GLG1: variants seen among roughly 807,000 people sequenced by gnomAD.
GLG1 encodes Golgi apparatus protein 1.
GLG1 carries 38 observed loss-of-function variants against 160.5 expected under a neutral mutation model. The observed-to-expected ratio is 0.24, with a 90% CI of 0.18 to 0.31. GLG1 has a LOEUF of 0.31. Among genes scored for constraint, GLG1 ranks in the 10% least tolerant of loss-of-function variants. The pLI is 1.00. For missense variants in GLG1, 1,373 were observed against 1,505.2 expected, an observed-to-expected ratio of 0.91 and a Z score of 1.45; for synonymous variants, 644 against 543.4, an observed-to-expected ratio of 1.19 and a Z score of -2.57.
chr16:74,520,222 G>A (rs1239070949), intron 2 of GLG1, among the ~76,000 whole-genome samples: 3 of 152,106 alleles, frequency 2.0e-5, no homozygotes, highest in African/African-American at 7.2e-5. Flanking sequence ...TCCTTCTCCA[G>A]CATCCTCAGA....
intron 4 of GLG1, among the ~76,000 whole-genome samples, chr16:74,498,468 T>TATATATATATATATATATA (rs1491206560): frequency 0.032 from 960 of 29,622 alleles, 136 homozygotes; most frequent in Middle Eastern, 0.088. Context: ...ATATATATAT[T>TATATATATATATATATATA]ATATTTTATA....
At chr16:74,579,070 A>G (rs978296159) in intron 1 of GLG1, among the ~76,000 whole-genome samples, 3 of 152,192 alleles carry the variant, frequency 2.0e-5, no homozygotes, top group Non-Finnish European at 4.4e-5. Flanking sequence ...ACAAGCTGAG[A>G]AGTTAAATTC....
At position 74,491,027 on chromosome 16, in the gene GLG1, T is replaced by C; in HGVS notation, c.1423A>G (p.Asn475Asp). 6.2e-7 allele frequency: 1 copy of C among 1,613,986 alleles called. No homozygotes were observed. The highest frequency in any genetic ancestry group is 8.5e-7 in the Non-Finnish European group (1 of 1,179,852). Residue 475 changes from asparagine to aspartate, a missense_variant, in exon 8 of 26, where the codon AAC (asparagine) becomes GAC (aspartate). By Grantham distance (23) the Asn-to-Asp change is conservative. Around this residue, in one of 4 missense-constraint regions of GLG1, gnomAD observed 386 missense variants for 388.5 expected, o/e 0.99. Coordinates refer to ENST00000422840, the MANE Select transcript of GLG1 (RefSeq NM_001145667.2). Reference sequence around the variant, plus strand: ...GCCTGCTGGCAGTTCATTCCAAGGTTCCCCTTCTCCCCTCGAACTACTTTC... The same window carrying C: ...GCCTGCTGGCAGTTCATTCCAAGGTCCCCCTTCTCCCCTCGAACTACTTTC... Reference protein sequence around the residue: ...LMKVVRGEKGNLGMNCQQALQ... With the variant: ...LMKVVRGEKGDLGMNCQQALQ...
chr16:74,541,949 A>C (rs1342472296), intron 1 of GLG1, among the ~76,000 whole-genome samples: 2 of 149,634 alleles, frequency 1.3e-5, no homozygotes, highest in Non-Finnish European at 3.0e-5. Flanking sequence ...ATACATCTTC[A>C]TGACTGGGAA....
At chr16:74,584,978 G>A (rs1186847859) in intron 1 of GLG1, among the ~76,000 whole-genome samples, 2 of 151,948 alleles carry the variant, frequency 1.3e-5, no homozygotes, top group Non-Finnish European at 2.9e-5. Flanking sequence ...AGTAATGGGT[G>A]GACCAAAATC....
At position 74,469,017 on chromosome 16, in the gene GLG1, GA is replaced by G; in HGVS notation, c.2364del (p.Leu789CysfsTer11). The G allele has an allele frequency of 6.2e-7, 1 of 1,614,132 alleles. No individual in the cohort carries two copies. Among genetic ancestry groups the G allele is most frequent in the Non-Finnish European group, 8.5e-7 (1 of 1,179,934 alleles). ...ICLSTTVRND[T>X]LQEAKEHRVS... ...ACCCTGTGCTCCTTGGCTTCCTGCA[GA>G]GTGTCATTGCGCACGGTCGTGCTCA... On this transcript the variant is annotated frameshift_variant, in exon 17 of 26. Coordinates refer to ENST00000422840, the MANE Select transcript of GLG1 (RefSeq NM_001145667.2). LOFTEE classifies it high-confidence loss of function.
chr16:74,556,948 CATAA>C (rs1405133050), intron 1 of GLG1, among the ~76,000 whole-genome samples: 1 of 151,850 alleles, frequency 6.6e-6, no homozygotes, highest in African/African-American at 2.4e-5. Context: ...AATGCATTCT[CATAA>C]ATAAAATATA....
chr16:74,480,421 C>T (rs373560051), intron 10 of GLG1, 27 bp from the exon 11 acceptor site: 7 of 1,558,934 alleles, frequency 4.5e-6, no homozygotes, highest in East Asian at 2.2e-5. Context: ...TAAAAGATAA[C>T]CACTAATTAA....
At chr16:74,590,047 CTGGA>C (rs1488822721) in intron 1 of GLG1, among the ~76,000 whole-genome samples, 1 of 152,018 alleles carries the variant, frequency 6.6e-6, no homozygotes, top group East Asian at 2.0e-4. Context: ...GTAGCCCAGG[CTGGA>C]TGGAGTGCAG....
intron 1 of GLG1, among the ~76,000 whole-genome samples, chr16:74,561,021 ACGCAGTCCTGCGCAGTCCTG>A: frequency 6.6e-6 from 1 of 152,366 alleles, no homozygotes; most frequent in South Asian, 2.1e-4. Flanking sequence ...GTCTGGCACC[ACGCAGTCCTGCGCAGTCCTG>A]CACAGTCCTG....
intron 1 of GLG1, among the ~76,000 whole-genome samples, chr16:74,546,244 T>C (rs960209111): frequency 1.3e-5 from 2 of 152,014 alleles, no homozygotes; most frequent in African/African-American, 4.8e-5. Context: ...TTCCAGACCA[T>C]CCTGAGCAAC....
rs753021725 is a variant in GLG1, at chr16:74,503,690, C to G, written c.615G>C (p.Val205=). 11 of 1,613,326 alleles carry G rather than the reference C, an allele frequency of 6.8e-6. No homozygotes were observed. The highest frequency in any genetic ancestry group is 2.2e-5 in the South Asian group (2 of 91,062). Residue 205 remains valine (V), a synonymous_variant, in exon 4 of 26, where the codon GTG becomes GTC. Transcript: ENST00000422840. The part of the protein sequence containing the change: ...VGKGYMVSCL[V]DHRGNITEYQ... ...ACTCAGTGATGTTGCCTCGGTGATCCACCAAGCAGGAAACCATGTAACCTT... is the reference window on the plus strand; with the variant it reads ...ACTCAGTGATGTTGCCTCGGTGATCGACCAAGCAGGAAACCATGTAACCTT...
chr16:74,590,392 C>CG (rs781136893), intron 1 of GLG1, among the ~76,000 whole-genome samples: 6 of 151,828 alleles, frequency 4.0e-5, no homozygotes, highest in Non-Finnish European at 7.4e-5. Context: ...CCGAAGCAGG[C>CG]GGATCACCTG....
intron 9 of GLG1, among the ~76,000 whole-genome samples, chr16:74,484,947 T>C (rs1248502860): frequency 6.6e-6 from 1 of 151,980 alleles, no homozygotes. Context: ...AGGGTTTTGC[T>C]CTGTCATCTG....
At chr16:74,537,663 G>C (rs1468360866) in intron 1 of GLG1, among the ~76,000 whole-genome samples, 2 of 144,768 alleles carry the variant, frequency 1.4e-5, no homozygotes, top group Non-Finnish European at 3.0e-5. Context: ...GTCAAACATT[G>C]GTTGCGGTTC....
chr16:74,470,282 T>C (rs887081125), intron 15 of GLG1, among the ~76,000 whole-genome samples: 12 of 147,674 alleles, frequency 8.1e-5, no homozygotes, highest in African/African-American at 2.7e-4. Flanking sequence ...CCTCCCTCCT[T>C]CCTTCCTTTC....
At chr16:74,471,426 A>C in intron 14 of GLG1, 140 bp from the exon 15 acceptor site, 1 of 632,184 alleles carries the variant, frequency 1.6e-6, no homozygotes. Flanking sequence ...TGTAATCAAA[A>C]TAAGCCTGAA....
intron 20 of GLG1, chr16:74,463,089 G>C: frequency 2.0e-6 from 1 of 491,858 alleles, no homozygotes; most frequent in Non-Finnish European, 3.5e-6. Context: ...TGAATTTCTA[G>C]ATTTTTCTTT....
intron 1 of GLG1, among the ~76,000 whole-genome samples, chr16:74,591,862 G>A (rs752015739): frequency 1.3e-5 from 2 of 152,122 alleles, no homozygotes; most frequent in Non-Finnish European, 2.9e-5. Flanking sequence ...GGGAAAAAAA[G>A]CAGTCTTCTG....
Sources: allele counts gnomAD v4.1 joint callset (sites outside exome capture counted in the v4.1 genomes callset), GRCh38; gene constraint gnomAD v4.1.1; regional missense constraint gnomAD v4.1.1; transcripts MANE v1.5; gene names NCBI Gene and HGNC (gene_info 2026-07-23, HGNC 2026-07-21).